VRK2: variants seen among roughly 807,000 people sequenced by gnomAD.
VRK2 encodes serine/threonine-protein kinase VRK2.
Under a neutral mutation model 57.6 loss-of-function variants are expected in VRK2, and 60 were observed. That is an observed-to-expected ratio of 1.04 (90% CI 0.85 to 1.29). The LOEUF is 1.29. Among genes scored for constraint, VRK2 ranks in the 50% most tolerant of loss-of-function variants. The probability of loss-of-function intolerance (pLI) is 0.00; values close to 1 mark genes in which losing one functional copy is unlikely to be tolerated. For synonymous variants in VRK2, 231 were observed against 199.2 expected, an observed-to-expected ratio of 1.16 and a Z score of -1.35; for missense variants, 705 against 588.1, an observed-to-expected ratio of 1.20 and a Z score of -2.06.
chr2:57,978,971 AG>A lies in VRK2; in HGVS notation c.-438-46692del, dbSNP rs528118541. Among the ~76,000 whole-genome samples, 48 of 151,114 alleles carry A rather than the reference AG, an allele frequency of 3.2e-4. No homozygotes were observed. In the South Asian group the frequency reaches 8.9e-3, roughly 28 times the overall value. On this transcript the variant is annotated intron_variant, in intron 1 of 15. Coordinates refer to the VRK2 transcript ENST00000417641. ...TCCAGTTTCATCTATGTCCCTGCAAAGGATATGATCTATTGTTTCCTGACTT... is the reference window on the plus strand; with the variant it reads ...TCCAGTTTCATCTATGTCCCTGCAAAGATATGATCTATTGTTTCCTGACTT...
intron 2 of VRK2, among the ~76,000 whole-genome samples, chr2:58,032,066 C>G (rs1238404925): frequency 6.6e-6 from 1 of 152,010 alleles, no homozygotes; most frequent in Admixed American, 6.6e-5. Flanking sequence ...TCAATCAAAT[C>G]CAAATTATTT....
intron 12 of VRK2, chr2:58,154,642 G>A: frequency 1.5e-6 from 1 of 646,304 alleles, no homozygotes; most frequent in Non-Finnish European, 2.8e-6. Context: ...AATTTTCCTG[G>A]GGTCTCTTTG....
chr2:58,114,160 A>G (rs1337780456), intron 7 of VRK2, among the ~76,000 whole-genome samples: 2 of 152,144 alleles, frequency 1.3e-5, no homozygotes, highest in African/African-American at 4.8e-5. Flanking sequence ...GAGAAGGAGA[A>G]AAACAGGTAT....
chr2:58,003,525 C>T (rs182740660), intron 1 of VRK2, among the ~76,000 whole-genome samples: 17 of 152,156 alleles, frequency 1.1e-4, no homozygotes, highest in Non-Finnish European at 4.4e-5. Flanking sequence ...ATAAGATGCA[C>T]AGTTAAATTT....
intron 7 of VRK2, among the ~76,000 whole-genome samples, chr2:58,103,445 A>G (rs1239585261): frequency 2.0e-5 from 3 of 151,796 alleles, no homozygotes; most frequent in African/African-American, 7.2e-5. Context: ...GCAAGAGATC[A>G]TCAGAGACTT....
intron 2 of VRK2, among the ~76,000 whole-genome samples, chr2:58,068,313 C>G (rs186573720): frequency 6.6e-6 from 1 of 152,210 alleles, no homozygotes; most frequent in East Asian, 1.9e-4. Flanking sequence ...CATTTAGTTT[C>G]TTTTCCAAAA....
chr2:58,127,429 TTAATTTA>T (rs1678534222), intron 8 of VRK2, among the ~76,000 whole-genome samples: 1 of 152,182 alleles, frequency 6.6e-6, no homozygotes, highest in Admixed American at 6.5e-5. Context: ...AAACTAGGGC[TTAATTTA>T]AAAGGTACTG....
chr2:57,941,792 C>G (rs80056496), intron 1 of VRK2, among the ~76,000 whole-genome samples: 1 of 152,228 alleles, frequency 6.6e-6, no homozygotes, highest in African/African-American at 2.4e-5. Flanking sequence ...AGACAATAAA[C>G]ATTTCATTAG....
At chr2:58,151,255 T>C (rs1251122125) in intron 12 of VRK2, among the ~76,000 whole-genome samples, 1 of 151,832 alleles carries the variant, frequency 6.6e-6, no homozygotes, top group Non-Finnish European at 1.5e-5. Context: ...TCATAGATTT[T>C]GATGCTGTTA....
intron 1 of VRK2, among the ~76,000 whole-genome samples, chr2:57,941,942 C>T (rs1418690561): frequency 6.6e-6 from 1 of 152,294 alleles, no homozygotes; most frequent in Middle Eastern, 3.4e-3. Flanking sequence ...ACAAACCCTA[C>T]CATTAAATAT....
chr2:57,992,285 C>T (rs1239892917), intron 1 of VRK2, among the ~76,000 whole-genome samples: 1 of 152,106 alleles, frequency 6.6e-6, no homozygotes, highest in African/African-American at 2.4e-5. Context: ...AGAAATCGTT[C>T]TAGAAATCCT....
At chr2:57,978,646 T>A (rs1363781248) in intron 1 of VRK2, among the ~76,000 whole-genome samples, 2 of 148,912 alleles carry the variant, frequency 1.3e-5, no homozygotes, top group African/African-American at 2.6e-5. Context: ...TTTTTTTTTT[T>A]ATATATTGGC....
chr2:58,135,308 G>C (rs985930242), intron 10 of VRK2, 109 bp downstream of exon 10: 41 of 1,125,690 alleles, frequency 3.6e-5, no homozygotes, highest in Non-Finnish European at 5.4e-5. Context: ...TCCCATCAGG[G>C]TGGGAAGGAG....
chr2:57,951,545 C>T (rs1420040070), intron 1 of VRK2, among the ~76,000 whole-genome samples: 1 of 152,134 alleles, frequency 6.6e-6, no homozygotes, highest in Non-Finnish European at 1.5e-5. Flanking sequence ...AACTGCTTCA[C>T]AAGACACAGA....
intron 2 of VRK2, among the ~76,000 whole-genome samples, chr2:58,066,519 T>TTTTA (rs1243427214): frequency 6.6e-6 from 1 of 152,258 alleles, no homozygotes; most frequent in East Asian, 1.9e-4. Flanking sequence ...TAGTGTATAC[T>TTTTA]TTTATTTATT....
intron 7 of VRK2, among the ~76,000 whole-genome samples, chr2:58,102,060 C>T (rs906734006): frequency 2.6e-5 from 4 of 151,476 alleles, no homozygotes; most frequent in African/African-American, 9.7e-5. Context: ...CTTAAATTCC[C>T]ATTGGGAAAG....
intron 1 of VRK2, among the ~76,000 whole-genome samples, chr2:57,929,093 A>G (rs1180076518): frequency 4.4e-4 from 67 of 152,168 alleles, no homozygotes; most frequent in Non-Finnish European, 2.5e-4. Context: ...CAAGAGCTCT[A>G]CAATCCGCAG....
In VRK2 at chr2:57,979,493, GA is replaced by G. The variant is rs1672353156; in HGVS notation, c.-438-46169del. Among the ~76,000 whole-genome samples, 2 of 150,950 alleles carry G rather than the reference GA, an allele frequency of 1.3e-5. 1 individual carries two copies. The highest frequency in any genetic ancestry group is 5.0e-5 in the African/African-American group (2 of 40,296). On this transcript the variant is annotated intron_variant, in intron 1 of 15. Transcript: ENST00000417641. ...CTATGTTCACCAGGGATATTGGCCTGAAATTTTCCTTTTTCATGTGTCTCTG... is the reference window on the plus strand; with the variant it reads ...CTATGTTCACCAGGGATATTGGCCTGAATTTTCCTTTTTCATGTGTCTCTG...
intron 6 of VRK2, among the ~76,000 whole-genome samples, chr2:58,089,172 A>G (rs1436485448): frequency 1.3e-5 from 2 of 152,208 alleles, no homozygotes; most frequent in Admixed American, 6.5e-5. Flanking sequence ...TTCTATTACC[A>G]TACAGAGGAA....
Sources: gnomAD v4.1 joint callset for allele counts (sites outside exome capture counted in the v4.1 genomes callset) on GRCh38, gnomAD v4.1.1 for gene constraint, MANE v1.5 for transcripts, NCBI Gene and HGNC (gene_info 2026-07-23, HGNC 2026-07-21) for gene names.